Variants in MDM1 observed in about 807,000 individuals in gnomAD.
MDM1 encodes the protein stabilizer of axonemal microtubules 6.
Under a neutral mutation model 89.1 loss-of-function variants are expected in MDM1, and 61 were observed. The observed-to-expected ratio is 0.68, with a 90% CI of 0.56 to 0.85. The LOEUF is 0.85. MDM1 is among the 40% of genes least tolerant of loss of function. The pLI is 0.00. For synonymous variants in MDM1, 290 were observed against 294.1 expected (o/e 0.99, Z 0.14); for missense variants, 820 against 846.5 (o/e 0.97, Z 0.39).
chr12:68,298,591 C>A (rs1871727933), intron 13 of MDM1, among the ~76,000 whole-genome samples: 1 of 152,108 alleles, frequency 6.6e-6, no homozygotes, highest in Non-Finnish European at 1.5e-5. Flanking sequence ...ACAGGAGGAG[C>A]ACTCCCCAGA....
At chr12:68,303,625 A>G (rs78172913) in intron 12 of MDM1, among the ~76,000 whole-genome samples, 11,789 of 152,270 alleles carry the variant, frequency 0.077, 818 homozygotes, top group African/African-American at 0.19. Flanking sequence ...GATTTTAACA[A>G]TAAGCATCTG....
intron 10 of MDM1, among the ~76,000 whole-genome samples, chr12:68,314,536 G>A (rs1456846929): frequency 1.3e-5 from 2 of 152,052 alleles, no homozygotes; most frequent in African/African-American, 2.4e-5. Context: ...TAAAACAACA[G>A]GAATTAGCTA....
At chr12:68,328,229 G>T (rs1288538100) in intron 2 of MDM1, among the ~76,000 whole-genome samples, 1 of 152,102 alleles carries the variant, frequency 6.6e-6, no homozygotes, top group Non-Finnish European at 1.5e-5. Flanking sequence ...AAATAACAAA[G>T]CAACAGCATC....
chr12:68,307,982 AAAG>A (rs1873141190), intron 12 of MDM1, among the ~76,000 whole-genome samples: 1 of 151,554 alleles, frequency 6.6e-6, no homozygotes, highest in Admixed American at 6.6e-5. Context: ...AAAAAAAAAA[AAAG>A]AATAACATCT....
At chr12:68,314,892 T>C (rs1874242012) in intron 10 of MDM1, 56 bp downstream of exon 10, 3 of 1,398,344 alleles carry the variant, frequency 2.1e-6, no homozygotes, top group South Asian at 2.6e-5. Flanking sequence ...AGTGACAAAA[T>C]ACATATCAAC....
Position 68,316,073 on chromosome 12 carries a change from C to G in MDM1, c.1211+5G>C. Reference sequence around the variant, plus strand: ...TTTTTTTGCCATCCACAAAGAATATCTCACCCAGCAAGATCTAATGCTCTG... The same window carrying G: ...TTTTTTTGCCATCCACAAAGAATATGTCACCCAGCAAGATCTAATGCTCTG... On this transcript the variant is annotated splice_donor_5th_base_variant and intron_variant, in intron 9 of 14. Coordinates refer to ENST00000682720, the MANE Select transcript of MDM1 (RefSeq NM_001354969.2). 3 of 1,591,128 alleles carry G rather than the reference C, an allele frequency of 1.9e-6. No individual in the cohort carries two copies. Among genetic ancestry groups the G allele is most frequent in the Non-Finnish European group, 2.6e-6 (3 of 1,168,130 alleles).
At chr12:68,313,808 T>C (rs1370262071) in intron 10 of MDM1, 55 bp from the exon 11 acceptor site, 10 of 1,385,494 alleles carry the variant, frequency 7.2e-6, no homozygotes, top group Non-Finnish European at 1.0e-5. Flanking sequence ...GAAAATATGA[T>C]AAAAAATACT....
intron 12 of MDM1, among the ~76,000 whole-genome samples, chr12:68,304,258 AAAATTAAATT>A (rs999823815): frequency 2.6e-5 from 4 of 152,202 alleles, no homozygotes; most frequent in African/African-American, 9.7e-5. Context: ...ATTTAAAAAA[AAAATTAAATT>A]AAATTAAAAA....
At chr12:68,297,069 A>G in intron 13 of MDM1, 87 bp from the exon 14 acceptor site, 1 of 843,558 alleles carries the variant, frequency 1.2e-6, no homozygotes, top group South Asian at 2.5e-5. Context: ...TAGTAAAAGT[A>G]GGCTGTCAGA....
chr12:68,327,185 A>G (rs958660763), intron 2 of MDM1, 164 bp from the exon 3 acceptor site: 81 of 1,392,678 alleles, frequency 5.8e-5, no homozygotes, highest in Non-Finnish European at 7.2e-5. Context: ...TTAAAAGTAC[A>G]GCTTTTCAAC....
chr12:68,318,373 G>T (rs1462714282), intron 7 of MDM1, among the ~76,000 whole-genome samples: 2 of 152,094 alleles, frequency 1.3e-5, no homozygotes, highest in Non-Finnish European at 2.9e-5. Flanking sequence ...CAGTCATCCA[G>T]TTTTATTTGA....
chr12:68,315,746 G>A (rs1234115959), intron 9 of MDM1, among the ~76,000 whole-genome samples: 1 of 152,136 alleles, frequency 6.6e-6, no homozygotes, highest in Non-Finnish European at 1.5e-5. Context: ...ATAGCTTGCA[G>A]TCTCTACTTT....
At chr12:68,326,295 G>C in intron 3 of MDM1, 1 of 1,281,534 alleles carries the variant, frequency 7.8e-7, no homozygotes, top group Non-Finnish European at 9.9e-7. Flanking sequence ...AACTGAAAAG[G>C]GGCTAGGTAG....
rs180808933 is a variant in MDM1 at position 68,323,133 on chromosome 12, T to C, written c.741A>G (p.Pro247=). Residue 247 remains proline (P), a synonymous_variant, in exon 5 of 15, where the codon CCA becomes CCG. Coordinates refer to ENST00000682720, the MANE Select transcript of MDM1 (RefSeq NM_001354969.2). The part of the protein sequence containing the change: ...NFKGLSPVKE[P]KLRNDLRENR... The stretch of plus-strand genomic sequence containing the variant: ...TTTCTCTCAAATCATTTCTTAATTT[T>C]GGTTCTTTCACTGGAGATAAACCCT... 1.3e-4 allele frequency: 212 copies of C among 1,610,858 alleles called. 1 individual carries two copies. In the East Asian group the frequency reaches 3.9e-3, roughly 30 times the overall value.
At chr12:68,320,808 G>A (rs17105247) in intron 7 of MDM1, among the ~76,000 whole-genome samples, 26,587 of 152,154 alleles carry the variant, frequency 0.17, 2,801 homozygotes, top group Middle Eastern at 0.33. Flanking sequence ...TAGTACTAAA[G>A]TAGCAATTCT....
At chr12:68,332,205 C>G in intron 1 of MDM1, 23 bp downstream of exon 1, 1 of 1,548,088 alleles carries the variant, frequency 6.5e-7, no homozygotes, top group South Asian at 1.2e-5. Context: ...AGCCACATTC[C>G]GGCCCGGGGA....
At chr12:68,318,215 T>G (rs1470003349) in intron 7 of MDM1, among the ~76,000 whole-genome samples, 3 of 152,092 alleles carry the variant, frequency 2.0e-5, no homozygotes, top group Non-Finnish European at 4.4e-5. Context: ...GAAATGTAAG[T>G]TGAAGGAGTA....
chr12:68,331,295 T>C (rs1014229119), intron 1 of MDM1, 74 bp from the exon 2 acceptor site: 7 of 898,028 alleles, frequency 7.8e-6, no homozygotes, highest in African/African-American at 5.0e-5. Context: ...CGGTGAAAAA[T>C]AATTTCTGAA....
chr12:68,312,011 C>G (rs992319905), intron 12 of MDM1, among the ~76,000 whole-genome samples: 2 of 152,172 alleles, frequency 1.3e-5, no homozygotes, highest in African/African-American at 4.8e-5. Flanking sequence ...TCGTTTGTCA[C>G]CACCTCACTG....
Sources: gnomAD v4.1 joint callset for allele counts (sites outside exome capture counted in the v4.1 genomes callset) on GRCh38, gnomAD v4.1.1 for gene constraint, MANE v1.5 for transcripts, NCBI Gene and HGNC (gene_info 2026-07-23, HGNC 2026-07-21) for gene names.